The following FAM118B variants were observed in gnomAD, a reference collection of about 807,000 sequenced individuals.
The protein encoded by FAM118B is protein FAM118B.
In FAM118B, 24 loss-of-function variants were observed where a neutral mutation model predicts 38.5. The observed-to-expected ratio is 0.62, with a 90% CI of 0.45 to 0.88. The LOEUF is 0.88. Among genes scored for constraint, FAM118B ranks in the 40% least tolerant of loss-of-function variants. The pLI, the probability that FAM118B is intolerant of heterozygous loss-of-function variation, is 0.00. For missense variants in FAM118B, 334 were observed against 420.0 expected (o/e 0.80, Z 1.79); for synonymous variants, 138 against 156.3 (o/e 0.88, Z 0.87).
intron 1 of FAM118B, among the ~76,000 whole-genome samples, chr11:126,214,668 A>G (rs1442530378): frequency 6.6e-6 from 1 of 151,888 alleles, no homozygotes; most frequent in Non-Finnish European, 1.5e-5. Flanking sequence ...AAGGAAGGAA[A>G]TTCTATTAGT....
chr11:126,260,173 A>C (rs1950658625), intron 7 of FAM118B, among the ~76,000 whole-genome samples: 1 of 151,636 alleles, frequency 6.6e-6, no homozygotes, highest in Admixed American at 6.6e-5. Flanking sequence ...GCTGAGACTA[A>C]AGGCACATAC....
intron 2 of FAM118B, among the ~76,000 whole-genome samples, chr11:126,234,218 G>A (rs766601377): frequency 6.6e-6 from 1 of 152,226 alleles, no homozygotes; most frequent in Non-Finnish European, 1.5e-5. Flanking sequence ...TCTATATTGT[G>A]TGTGTGTTTA....
At chr11:126,229,805 T>G (rs1950185801) in intron 2 of FAM118B, among the ~76,000 whole-genome samples, 1 of 152,188 alleles carries the variant, frequency 6.6e-6, no homozygotes, top group East Asian at 1.9e-4. Flanking sequence ...TTAAAGGGCA[T>G]TCTAGAATTT....
intron 1 of FAM118B, among the ~76,000 whole-genome samples, chr11:126,212,619 G>A (rs1008805550): frequency 2.6e-5 from 4 of 152,210 alleles, no homozygotes; most frequent in African/African-American, 9.7e-5. Context: ...AGAATGTCCT[G>A]AAAACTAATG....
chr11:126,256,806 A>G lies in FAM118B; in HGVS notation c.936A>G (p.Glu312=). 2 of 1,611,800 alleles carry G rather than the reference A, an allele frequency of 1.2e-6. No individual in the cohort carries two copies. The highest frequency in any genetic ancestry group is 1.1e-5 in the South Asian group (1 of 90,874). The change falls in exon 7 of 9, where the codon GAA becomes GAG. Residue 312 remains glutamate, a synonymous_variant. Transcript: ENST00000533050. The surrounding 1 kb of genome is among the most constrained non-coding windows in gnomAD (Gnocchi z 6.6). ...GAGATGACTATGCCGATCTTCCAGA[A>G]TATTTCAAGCGACTGACATGTGAGA... The part of the protein sequence containing the change: ...SYGDDYADLP[E]YFKRLTCEIS...
At chr11:126,216,221 C>T (rs1949976396) in intron 1 of FAM118B, among the ~76,000 whole-genome samples, 1 of 151,836 alleles carries the variant, frequency 6.6e-6, no homozygotes, top group Non-Finnish European at 1.5e-5. Flanking sequence ...ACTAAAAATA[C>T]TAAAATTAGC....
chr11:126,244,549 GTC>G lies in FAM118B; in HGVS notation c.339+3508_339+3509del, dbSNP rs977905785. Reference sequence around the variant, plus strand: ...CTAGGCGTGGTGGCCCATGCCTGTTGTCTCAGCGCTTTGGGAGGCCGAGGTGG... The same window carrying G: ...CTAGGCGTGGTGGCCCATGCCTGTTGTCAGCGCTTTGGGAGGCCGAGGTGG... On this transcript the variant is annotated intron_variant, in intron 4 of 8. Transcript: ENST00000533050. This position sits in a 1 kb window ranked among gnomAD's most constrained non-coding sequence, Gnocchi z 4.5. Among the ~76,000 whole-genome samples the G allele has an allele frequency of 2.6e-5, 4 of 152,230 alleles. No individual in the cohort carries two copies. Among genetic ancestry groups the G allele is most frequent in the African/African-American group, 9.6e-5 (4 of 41,464 alleles).
At chr11:126,212,338 T>C (rs1197631871) in intron 1 of FAM118B, among the ~76,000 whole-genome samples, 3 of 152,196 alleles carry the variant, frequency 2.0e-5, no homozygotes, top group Non-Finnish European at 4.4e-5. Context: ...CTACCTTCCC[T>C]ACTCCTCCTA....
intron 1 of FAM118B, among the ~76,000 whole-genome samples, chr11:126,223,140 G>T (rs528760484): frequency 6.2e-4 from 94 of 152,132 alleles, no homozygotes; most frequent in African/African-American, 2.2e-3. Context: ...AGGCCTGTGC[G>T]CCTCAAGAGC....
intron 3 of FAM118B, among the ~76,000 whole-genome samples, chr11:126,239,441 A>T (rs551558179): frequency 6.6e-6 from 1 of 152,134 alleles, no homozygotes; most frequent in Admixed American, 6.5e-5. Context: ...ATATTTGTTT[A>T]TGTGGATTTG....
chr11:126,228,160 G>A (rs1950167753), intron 1 of FAM118B, among the ~76,000 whole-genome samples: 1 of 151,554 alleles, frequency 6.6e-6, no homozygotes, highest in African/African-American at 2.4e-5. Flanking sequence ...AGTGAAAAGG[G>A]GTGAAAATGA....
intron 1 of FAM118B, among the ~76,000 whole-genome samples, chr11:126,228,282 T>A (rs113216580): frequency 2.0e-3 from 299 of 151,840 alleles, no homozygotes; most frequent in African/African-American, 7.1e-3. Flanking sequence ...CACTGCAACC[T>A]TAGCCTCCTG....
At position 126,254,330 on chromosome 11, in the gene FAM118B, G is replaced by GT; in HGVS notation, c.594dup (p.Lys199Ter). ...GTCCTCGAGTGGGCTCAGGAGAAGC[G>GT]TAAGCTGAGCGTGTTGCATATTCAC... On this transcript the variant is annotated frameshift_variant, in exon 6 of 9. Transcript: ENST00000533050. LOFTEE classifies it high-confidence loss of function. The GT allele has an allele frequency of 6.2e-7, 1 of 1,614,098 alleles. No homozygotes were observed. The highest frequency in any genetic ancestry group is 8.5e-7 in the Non-Finnish European group (1 of 1,180,000).
intron 1 of FAM118B, among the ~76,000 whole-genome samples, chr11:126,224,936 C>T (rs1455063686): frequency 6.6e-6 from 1 of 152,244 alleles, no homozygotes; most frequent in Non-Finnish European, 1.5e-5. Flanking sequence ...CACCCAGACT[C>T]ATGTCTTAAC....
At chr11:126,229,825 CTT>C (rs1333076946) in intron 2 of FAM118B, among the ~76,000 whole-genome samples, 1 of 152,192 alleles carries the variant, frequency 6.6e-6, no homozygotes, top group Non-Finnish European at 1.5e-5. Context: ...TGGGGTTTTT[CTT>C]CTCAATCCTT....
At chr11:126,226,851 T>C (rs1950148517) in intron 1 of FAM118B, among the ~76,000 whole-genome samples, 1 of 150,676 alleles carries the variant, frequency 6.6e-6, no homozygotes, top group Non-Finnish European at 1.5e-5. Flanking sequence ...TATGCGCCTG[T>C]AGTCCCAGCT....
At chr11:126,223,470 C>T (rs978222486) in intron 1 of FAM118B, among the ~76,000 whole-genome samples, 18 of 151,640 alleles carry the variant, frequency 1.2e-4, no homozygotes, top group African/African-American at 2.4e-5. Flanking sequence ...TGGTGGCGGG[C>T]GCCTGTAGTC....
intron 2 of FAM118B, 95 bp downstream of exon 2, chr11:126,229,388 ATGCGT>A (rs1950180729): frequency 6.6e-6 from 1 of 152,130 alleles, no homozygotes; most frequent in Admixed American, 6.5e-5. Context: ...CCCTATACAT[ATGCGT>A]TACTTTGGCT....
chr11:126,237,045 T>G (rs1286545833), intron 3 of FAM118B, among the ~76,000 whole-genome samples: 1 of 147,898 alleles, frequency 6.8e-6, no homozygotes, highest in Admixed American at 6.9e-5. Flanking sequence ...GCCTCCCGAG[T>G]AGCTGGGACT....
Sources: gnomAD v4.1 joint callset for allele counts (sites outside exome capture counted in the v4.1 genomes callset) on GRCh38, gnomAD v4.1.1 for gene constraint, Gnocchi (gnomAD v3.1) non-coding constraint, MANE v1.5 for transcripts, NCBI Gene and HGNC (gene_info 2026-07-23, HGNC 2026-07-21) for gene names.